Variants in ATP8A2 observed in about 807,000 individuals in gnomAD.
The protein encoded by ATP8A2 is ATPase phospholipid transporting 8A2, also known as phospholipid-transporting ATPase IB.
A neutral mutation model predicts 165.6 loss-of-function variants in ATP8A2; 100 were observed. That is an observed-to-expected ratio of 0.60 (90% CI 0.51 to 0.71). The LOEUF is 0.71. ATP8A2 is among the 30% of genes least tolerant of loss of function. ATP8A2 has a pLI of 0.00. For synonymous variants in ATP8A2, 543 were observed against 548.8 expected, an observed-to-expected ratio of 0.99 and a Z score of 0.15; for missense variants, 1,227 against 1,479.5, an observed-to-expected ratio of 0.83 and a Z score of 2.80.
intron 24 of ATP8A2, among the ~76,000 whole-genome samples, chr13:25,665,970 C>T (rs1205761024): frequency 2.7e-5 from 4 of 149,744 alleles, no homozygotes; most frequent in Non-Finnish European, 5.9e-5. Context: ...AAAATTTTAA[C>T]GTTAAGAATG....
At chr13:25,747,696 T>C (rs2044064727) in intron 25 of ATP8A2, among the ~76,000 whole-genome samples, 1 of 152,146 alleles carries the variant, frequency 6.6e-6, no homozygotes, top group African/African-American at 2.4e-5. Flanking sequence ...ATGTGTGCTT[T>C]ATAGATAACA....
chr13:25,423,851 C>T (rs2034367580), intron 1 of ATP8A2, among the ~76,000 whole-genome samples: 2 of 152,124 alleles, frequency 1.3e-5, no homozygotes, highest in African/African-American at 4.8e-5. Flanking sequence ...AAATGTCTCC[C>T]TTTAAGGAAT....
intron 33 of ATP8A2, chr13:25,868,105 G>C (rs768388606): frequency 2.0e-5 from 9 of 456,372 alleles, no homozygotes; most frequent in Non-Finnish European, 3.5e-5. Context: ...ACCCAAGTGC[G>C]GGTGTTGGGA....
chr13:25,690,546 T>A (rs2042702446), intron 24 of ATP8A2, among the ~76,000 whole-genome samples: 1 of 152,160 alleles, frequency 6.6e-6, no homozygotes, highest in Non-Finnish European at 1.5e-5. Flanking sequence ...AAACAGAAAT[T>A]CAGTTCATTC....
rs371028596 is a variant in ATP8A2 at position 25,860,178 on chromosome 13, A to G, written c.2957-17A>G. On this transcript the variant is annotated splice_polypyrimidine_tract_variant and intron_variant, in intron 30 of 36. Coordinates refer to ENST00000381655, the MANE Select transcript of ATP8A2 (RefSeq NM_016529.6). Reference sequence around the variant, plus strand: ...CTCAGCTTCTTGGATGTTAATAGTAACTTCTTTGTTTTTCAGATACTGTGT... The same window carrying G: ...CTCAGCTTCTTGGATGTTAATAGTAGCTTCTTTGTTTTTCAGATACTGTGT... 2.9e-5 allele frequency: 47 copies of G among 1,595,120 alleles called. No homozygotes were observed. Among genetic ancestry groups the G allele is most frequent in the Non-Finnish European group, 3.8e-5 (44 of 1,163,684 alleles).
rs1306868260 is a variant in ATP8A2 at position 26,024,740 on chromosome 13, C to A, written c.*4755C>A. On this transcript the variant is annotated 3_prime_UTR_variant, in exon 37 of 37. Coordinates refer to ENST00000381655, the MANE Select transcript of ATP8A2 (RefSeq NM_016529.6). ...TCTGCTCTTTCTCCCAGGCCTCAGA[C>A]CAAGAAAAACATGCTCTCAAGATTA... 2 of 152,122 alleles carry A rather than the reference C, an allele frequency of 1.3e-5. No individual in the cohort carries two copies. Among genetic ancestry groups the A allele is most frequent in the East Asian group, 1.9e-4 (1 of 5,192 alleles). The allele number at this position is 152,122 out of a possible 1,614,324, so 9.4% of individuals were successfully genotyped here. A position where few individuals can be genotyped will look rare whatever the true frequency, so the allele number is the denominator to read the frequency against.
At chr13:25,847,368 C>G (rs1228045564) in intron 30 of ATP8A2, among the ~76,000 whole-genome samples, 2 of 152,242 alleles carry the variant, frequency 1.3e-5, no homozygotes, top group African/African-American at 4.8e-5. Flanking sequence ...CGGTAAAGCT[C>G]TGACTTTAGC....
Position 26,012,614 on chromosome 13 carries a change from G to GC in ATP8A2, c.3462dup (p.Val1155ArgfsTer16), listed in dbSNP as rs1258835129. On this transcript the variant is annotated frameshift_variant, in exon 36 of 37. Coordinates refer to ENST00000381655, the MANE Select transcript of ATP8A2 (RefSeq NM_016529.6). LOFTEE classifies it high-confidence loss of function. ...TTCCGGGGCAGCTCCCTGCAGCAGGGCGTCCCGCGTGAGTACCGCGGGCGG... is the reference window on the plus strand; with the variant it reads ...TTCCGGGGCAGCTCCCTGCAGCAGGGCCGTCCCGCGTGAGTACCGCGGGCGG... 13 of 1,491,372 alleles carry GC rather than the reference G, an allele frequency of 8.7e-6. No individual in the cohort carries two copies. The highest frequency in any genetic ancestry group is 1.1e-5 in the Non-Finnish European group (12 of 1,120,758). 92.4% of individuals were successfully genotyped at this position (1,491,372 alleles called of 1,614,324 possible).
At chr13:25,686,490 C>A (rs2042604148) in intron 24 of ATP8A2, among the ~76,000 whole-genome samples, 1 of 152,024 alleles carries the variant, frequency 6.6e-6, no homozygotes, top group Non-Finnish European at 1.5e-5. Flanking sequence ...CTGGGAAGCA[C>A]CTGGCCAAGA....
chr13:25,401,813 T>C (rs2033645855), intron 1 of ATP8A2, among the ~76,000 whole-genome samples: 1 of 152,090 alleles, frequency 6.6e-6, no homozygotes, highest in African/African-American at 2.4e-5. Context: ...AATAATAAAA[T>C]AGAACAATGA....
chr13:25,461,187 T>C (rs1398495138), intron 1 of ATP8A2, among the ~76,000 whole-genome samples: 1 of 152,268 alleles, frequency 6.6e-6, no homozygotes, highest in Non-Finnish European at 1.5e-5. Flanking sequence ...TTCTTTTGAA[T>C]TCTTGGGTAG....
intron 36 of ATP8A2, among the ~76,000 whole-genome samples, chr13:26,014,001 T>C (rs1190860293): frequency 6.6e-6 from 1 of 152,130 alleles, no homozygotes; most frequent in African/African-American, 2.4e-5. Context: ...AGAAAGTGGG[T>C]GGCCCAGCAT....
chr13:25,637,180 A>T (rs2137544298), intron 24 of ATP8A2, among the ~76,000 whole-genome samples: 1 of 151,120 alleles, frequency 6.6e-6, no homozygotes, highest in South Asian at 2.1e-4. Context: ...TTCCAGCATG[A>T]GCGATGCAGA....
chr13:25,388,089 T>C (rs1593240011), intron 1 of ATP8A2, among the ~76,000 whole-genome samples: 1 of 151,820 alleles, frequency 6.6e-6, no homozygotes, highest in African/African-American at 2.4e-5. Context: ...TCTTTACTAG[T>C]GTTTTCAGTT....
Position 25,491,763 on chromosome 13 carries a change from T to C in ATP8A2, c.221+22642T>C, listed in dbSNP as rs115594422. 3.2e-3 allele frequency among the ~76,000 whole-genome samples: 487 copies of C among 152,344 alleles called. 5 individuals are homozygous for C. The highest frequency in any genetic ancestry group is 0.011 in the African/African-American group (463 of 41,578). On this transcript the variant is annotated intron_variant, in intron 2 of 36. Transcript: ENST00000381655. ...GATTCTTACAATTGAAATTCATTAA[T>C]AATTATTCATTGTTTTAAAATTGAA...
intron 27 of ATP8A2, among the ~76,000 whole-genome samples, chr13:25,786,994 G>T (rs2045046157): frequency 6.6e-6 from 1 of 152,154 alleles, no homozygotes; most frequent in African/African-American, 2.4e-5. Context: ...TTTTGGCTAG[G>T]CTTGTCTCAA....
intron 25 of ATP8A2, among the ~76,000 whole-genome samples, chr13:25,738,345 C>T (rs865787168): frequency 2.4e-5 from 3 of 126,794 alleles, no homozygotes; most frequent in South Asian, 5.6e-4. Context: ...CCCCCTCCCC[C>T]CCCCCCACAC....
intron 27 of ATP8A2, among the ~76,000 whole-genome samples, chr13:25,795,259 A>T (rs1255408334): frequency 2.0e-5 from 3 of 152,198 alleles, no homozygotes; most frequent in African/African-American, 7.2e-5. Context: ...AGAGCTTCAT[A>T]TCCCTCACTA....
At chr13:25,962,237 T>G (rs1566307530) in intron 34 of ATP8A2, among the ~76,000 whole-genome samples, 3 of 152,158 alleles carry the variant, frequency 2.0e-5, no homozygotes, top group Non-Finnish European at 4.4e-5. Flanking sequence ...CTGGCTTCAC[T>G]TCCCATGCTT....
Sources: allele counts gnomAD v4.1 joint callset (sites outside exome capture counted in the v4.1 genomes callset), GRCh38; gene constraint gnomAD v4.1.1; transcripts MANE v1.5; gene names NCBI Gene and HGNC (gene_info 2026-07-23, HGNC 2026-07-21).